The following RAB9B variants were observed in gnomAD, a reference collection of about 807,000 sequenced individuals.
RAB9B encodes the protein ras-related protein Rab-9B.
RAB9B carries 1 observed loss-of-function variant against 8.9 expected under a neutral mutation model. That is an observed-to-expected ratio of 0.11 (90% CI 0.04 to 0.53). The LOEUF (loss-of-function observed/expected upper bound fraction) is 0.53, where lower values mean the gene tolerates loss of function less well. Ranked by LOEUF, RAB9B falls within the 20% of genes least tolerant of loss-of-function variation. The pLI, the probability that RAB9B is intolerant of heterozygous loss-of-function variation, is 0.93. For missense variants in RAB9B, 82 were observed against 152.9 expected, an observed-to-expected ratio of 0.54 and a Z score of 2.45; for synonymous variants, 63 against 57.0, an observed-to-expected ratio of 1.10 and a Z score of -0.47.
At chrX:103,802,728 C>T in the RAB9B span, among the ~76,000 whole-genome samples, 1 of 111,597 alleles carries the variant, frequency 9.0e-6, no homozygotes, top group African/African-American at 3.3e-5. Flanking sequence ...TAATAGTATG[C>T]TCACAGAGTT....
the RAB9B span, among the ~76,000 whole-genome samples, chrX:103,779,396 G>T: frequency 8.9e-6 from 1 of 111,855 alleles, no homozygotes; most frequent in East Asian, 2.8e-4. Flanking sequence ...GCGGCAGAGC[G>T]GGGGTCCAGT....
the RAB9B span, among the ~76,000 whole-genome samples, chrX:103,800,131 C>G: frequency 9.0e-6 from 1 of 111,601 alleles, no homozygotes; most frequent in Admixed American, 9.6e-5. Context: ...AAAAGCCGTC[C>G]TATGCAACAG....
chrX:103,784,946 C>T, the RAB9B span, among the ~76,000 whole-genome samples: 59 of 112,441 alleles, frequency 5.2e-4, no homozygotes, highest in Admixed American at 1.4e-3. Flanking sequence ...AACAAACAGA[C>T]TAGAACAATA....
At chrX:103,821,561 A>G (rs2074660886), downstream of RAB9B, among the ~76,000 whole-genome samples, 1 of 111,826 alleles carries the variant, frequency 8.9e-6, no homozygotes, top group African/African-American at 3.3e-5. Context: ...TTGGGTGCTA[A>G]TGTATCTTTA....
chrX:103,821,352 CA>C (rs72322529), downstream of RAB9B, among the ~76,000 whole-genome samples: 42,317 of 90,725 alleles, frequency 0.47, 7,992 homozygotes, highest in African/African-American at 0.57. Flanking sequence ...GTACATGTGG[CA>C]AAAAAAAAAA....
the RAB9B span, among the ~76,000 whole-genome samples, chrX:103,800,976 A>G: frequency 8.9e-6 from 1 of 112,224 alleles, no homozygotes; most frequent in East Asian, 2.8e-4. Flanking sequence ...CACCTTTAGG[A>G]AAAAAGAATG....
the RAB9B span, among the ~76,000 whole-genome samples, chrX:103,812,514 G>A: frequency 1.8e-5 from 2 of 111,734 alleles, no homozygotes; most frequent in Admixed American, 1.9e-4. Flanking sequence ...GTATCATTTA[G>A]GTAATTTTAA....
the RAB9B span, among the ~76,000 whole-genome samples, chrX:103,812,937 T>TA: frequency 9.1e-6 from 1 of 109,378 alleles, no homozygotes; most frequent in Non-Finnish European, 1.9e-5. Context: ...TTTTTTTTTT[T>TA]AATTTTTAAA....
chrX:103,788,511 G>C, the RAB9B span: 1 of 1,186,930 alleles, frequency 8.4e-7, no homozygotes, highest in Non-Finnish European at 1.1e-6. Flanking sequence ...AACAGCTGAG[G>C]TGAGTGGGTT....
the RAB9B span, among the ~76,000 whole-genome samples, chrX:103,802,236 A>G: frequency 1.4e-5 from 1 of 72,476 alleles, no homozygotes. Flanking sequence ...GAGAGAGAGA[A>G]AAAAAGGGAG....
chrX:103,803,551 T>C, the RAB9B span, among the ~76,000 whole-genome samples: 2 of 112,726 alleles, frequency 1.8e-5, no homozygotes, highest in African/African-American at 3.2e-5. Context: ...TTGTCTATTA[T>C]TGTGTTATGA....
At chrX:103,783,861 TC>T in the RAB9B span, among the ~76,000 whole-genome samples, 1 of 112,048 alleles carries the variant, frequency 8.9e-6, no homozygotes, top group African/African-American at 3.2e-5. Context: ...AATAGCAGCT[TC>T]CCAGTACATT....
chrX:103,789,045 A>T, the RAB9B span: 4 of 380,331 alleles, frequency 1.1e-5, no homozygotes, highest in Admixed American at 1.8e-4. Flanking sequence ...CAAAATGTTG[A>T]CTTTAAATTT....
At chrX:103,796,059 GTGT>G in the RAB9B span, among the ~76,000 whole-genome samples, 2 of 112,484 alleles carry the variant, frequency 1.8e-5, no homozygotes, top group African/African-American at 3.2e-5. Context: ...TTCTGCACAT[GTGT>G]TGTTGTTTGT....
the RAB9B span, chrX:103,788,754 T>A: frequency 2.5e-6 from 1 of 405,991 alleles, no homozygotes; most frequent in Non-Finnish European, 4.3e-6. Flanking sequence ...AAGAGAAGTT[T>A]GTAGCTTTAG....
the RAB9B span, among the ~76,000 whole-genome samples, chrX:103,806,274 C>T: frequency 2.3e-4 from 25 of 110,970 alleles, no homozygotes; most frequent in Non-Finnish European, 3.4e-4. Context: ...TTCCTGTATC[C>T]GGTAAGTTTA....
chrX:103,788,730 C>A, the RAB9B span: 2 of 424,562 alleles, frequency 4.7e-6, no homozygotes, highest in East Asian at 7.8e-5. Context: ...CCTTTCCAAC[C>A]CTTCCCCTCT....
chrX:103,810,664 C>A, the RAB9B span, among the ~76,000 whole-genome samples: 4 of 112,016 alleles, frequency 3.6e-5, no homozygotes, highest in African/African-American at 1.3e-4. Flanking sequence ...CCCACTCCCA[C>A]CACACCTATC....
Position 103,825,611 on chromosome X carries a change from G to A in RAB9B, c.174C>T (p.Leu58=). ...DLEVDGRFVT[L]QIWDTAGQER... ...CCTGCCCTGCAGTGTCCCAGATCTG[G>A]AGGGTTACAAAGCGTCCATCTACCT... The change falls in exon 3 of 3, where the codon CTC becomes CTT. Residue 58 remains leucine, a synonymous_variant. Coordinates refer to ENST00000243298, the MANE Select transcript of RAB9B (RefSeq NM_016370.4). The A allele has an allele frequency of 8.3e-7, 1 of 1,210,925 alleles. No individual in the cohort carries two copies. The highest frequency in any genetic ancestry group is 1.7e-5 in the African/African-American group (1 of 57,740).
Sources: gnomAD v4.1 joint callset for allele counts (sites outside exome capture counted in the v4.1 genomes callset) on GRCh38, gnomAD v4.1.1 for gene constraint, MANE v1.5 for transcripts, NCBI Gene and HGNC (gene_info 2026-07-23, HGNC 2026-07-21) for gene names.